The following KNL1 variants were observed in gnomAD, a reference collection of about 807,000 sequenced individuals.
The protein encoded by KNL1 is outer kinetochore KNL1 complex subunit KNL1.
A neutral mutation model predicts 201.3 loss-of-function variants in KNL1; 66 were observed. The ratio of observed to expected loss-of-function variants is 0.33; its 90% confidence interval spans 0.27 to 0.40. The LOEUF is 0.40. Among genes scored for constraint, KNL1 ranks in the 10% least tolerant of loss-of-function variants. The probability of loss-of-function intolerance (pLI) is 1.00; values close to 1 mark genes in which losing one functional copy is unlikely to be tolerated. For missense variants in KNL1, 2,815 were observed against 2,690.5 expected (o/e 1.05, Z -1.02); for synonymous variants, 895 against 899.2 (o/e 1.00, Z 0.08).
chr15:40,628,471 C>A, intron 11 of KNL1, 140 bp from the exon 12 acceptor site: 1 of 659,382 alleles, frequency 1.5e-6, no homozygotes, highest in South Asian at 2.3e-5. Context: ...CTATAATATA[C>A]TTTGCCCTGC....
At chr15:40,601,817 G>A (rs1352500437) in intron 1 of KNL1, among the ~76,000 whole-genome samples, 1 of 115,424 alleles carries the variant, frequency 8.7e-6, no homozygotes, top group Admixed American at 9.8e-5. Context: ...GACAGAGCCA[G>A]ACTCCGTCTC....
rs1892527572 is a variant in KNL1 at position 40,621,531 on chromosome 15, C to A, written c.1267C>A (p.Gln423Lys). ...ATCTATATATTCTAATCCATCTATT[C>A]AAGGTTGTAAGACTGTTTTCTATTC... The part of the protein sequence containing the change: ...PESIYSNPSI[Q>K]GCKTVFYSSC... Residue 423 changes from glutamine to lysine, a missense_variant, in exon 10 of 26, where the codon CAA becomes AAA. Transcript: ENST00000399668. The A allele has an allele frequency of 1.9e-6, 3 of 1,612,872 alleles. No individual in the cohort carries two copies. Among genetic ancestry groups the A allele is most frequent in the Non-Finnish European group, 2.5e-6 (3 of 1,179,444 alleles).
At chr15:40,601,050 G>A (rs552595454) in intron 1 of KNL1, among the ~76,000 whole-genome samples, 6 of 152,322 alleles carry the variant, frequency 3.9e-5, no homozygotes, top group Non-Finnish European at 7.4e-5. Context: ...AACCCCCTGG[G>A]CCGTGGAACG....
Position 40,622,967 on chromosome 15 carries a change from T to G in KNL1, c.2703T>G (p.Thr901=). The G allele has an allele frequency of 6.2e-7, 1 of 1,613,832 alleles. No individual in the cohort carries two copies. Among genetic ancestry groups the G allele is most frequent in the South Asian group, 1.1e-5 (1 of 91,038 alleles). Residue 901 remains threonine (T), a synonymous_variant, in exon 10 of 26, where the codon ACT becomes ACG. Transcript: ENST00000399668. ...GTCATTTGGTGCCATTGGCAGGAAC[T>G]TCTGAAACTATTTTATATACATGTA... ...RDCHLVPLAG[T]SETILYTCRQ...
intron 13 of KNL1, among the ~76,000 whole-genome samples, chr15:40,631,186 T>C (rs1892902730): frequency 6.6e-6 from 1 of 152,084 alleles, no homozygotes; most frequent in East Asian, 1.9e-4. Context: ...TGTGCTTGAA[T>C]CATCCTGAGA....
At chr15:40,654,843 T>A in intron 21 of KNL1, 66 bp from the exon 22 acceptor site, 2 of 1,231,238 alleles carry the variant, frequency 1.6e-6, no homozygotes, top group African/African-American at 1.5e-5. Context: ...CACTCCAGCC[T>A]GGGAGACAAA....
chr15:40,625,122 G>C lies in KNL1; in HGVS notation c.4858G>C (p.Asp1620His). 1 of 1,614,050 alleles carries C rather than the reference G, an allele frequency of 6.2e-7. No homozygotes were observed. Among genetic ancestry groups the C allele is most frequent in the Admixed American group, 1.7e-5 (1 of 60,014 alleles). The change falls in exon 10 of 26, where the codon GAT becomes CAT. Residue 1620 changes from aspartate to histidine, a missense_variant. Asp to His is a moderately conservative substitution (Grantham distance 81, BLOSUM62 -1). Transcript: ENST00000399668. Reference protein sequence around the residue: ...IISSNAKDSRDEENKKSHNGA... With the variant: ...IISSNAKDSRHEENKKSHNGA... ...CTCCAGCAATGCTAAAGATAGTAGA[G>C]ATGAGGAAAATAAAAAGTCTCATAA...
At chr15:40,658,118 TAGAC>T (rs1053106588) in intron 24 of KNL1, among the ~76,000 whole-genome samples, 7 of 151,552 alleles carry the variant, frequency 4.6e-5, no homozygotes, top group African/African-American at 7.3e-5. Context: ...ATACAAAAAT[TAGAC>T]AGGCATGGTG....
chr15:40,599,793 CTTTTTT>C (rs55838833), intron 1 of KNL1, among the ~76,000 whole-genome samples: 1 of 120,114 alleles, frequency 8.3e-6, no homozygotes, highest in Non-Finnish European at 1.7e-5. Flanking sequence ...TTATGTATTC[CTTTTTT>C]TTTTTTTTTT....
At chr15:40,653,490 C>A (rs1046109475) in intron 21 of KNL1, among the ~76,000 whole-genome samples, 5 of 152,190 alleles carry the variant, frequency 3.3e-5, no homozygotes, top group African/African-American at 1.2e-4. Context: ...AGCGCCCAAC[C>A]TACTGGTTTT....
At chr15:40,657,236 G>A (rs1448318179) in intron 23 of KNL1, 85 bp downstream of exon 23, 4 of 1,039,538 alleles carry the variant, frequency 3.8e-6, no homozygotes, top group Non-Finnish European at 4.4e-6. Flanking sequence ...AAATAATAGT[G>A]GATCCTGAAA....
chr15:40,624,242 T>G lies in KNL1; in HGVS notation c.3978T>G (p.Asp1326Glu). 1 of 1,614,022 alleles carries G rather than the reference T, an allele frequency of 6.2e-7. No homozygotes were observed. Among genetic ancestry groups the G allele is most frequent in the Non-Finnish European group, 8.5e-7 (1 of 1,179,956 alleles). The change falls in exon 10 of 26, where the codon GAT becomes GAG. Residue 1326 changes from aspartate (D) to glutamate (E), a missense_variant. Physicochemically the swap from Asp to Glu is conservative, Grantham distance 45. Coordinates refer to ENST00000399668, the MANE Select transcript of KNL1 (RefSeq NM_144508.5). ...GTGCCATGCTCTTATGTGATAAAGA[T>G]GAGGAAAAAGCCAATTATTGCCCAG... ...EGSAMLLCDK[D>E]EEKANYCPVQ...
At chr15:40,645,552 C>A in intron 15 of KNL1, 104 bp from the exon 16 acceptor site, 1 of 541,360 alleles carries the variant, frequency 1.8e-6, no homozygotes, top group Non-Finnish European at 3.3e-6. Context: ...TTGCAAATGA[C>A]AAATATCCTG....
intron 7 of KNL1, among the ~76,000 whole-genome samples, chr15:40,612,814 GC>G (rs1287549798): frequency 6.6e-6 from 1 of 152,112 alleles, no homozygotes; most frequent in Non-Finnish European, 1.5e-5. Flanking sequence ...ACTGTGCCTG[GC>G]CTAAAAAAGA....
rs1892598160 is a variant in KNL1, at chr15:40,623,004, A to G, written c.2740A>G (p.Met914Val). The G allele has an allele frequency of 1.2e-6, 2 of 1,614,016 alleles. No individual in the cohort carries two copies. Among genetic ancestry groups the G allele is most frequent in the Non-Finnish European group, 1.7e-6 (2 of 1,179,868 alleles). The change falls in exon 10 of 26, where the codon ATG becomes GTG. Residue 914 changes from methionine (M) to valine (V), a missense_variant. By Grantham distance (21) the Met-to-Val change is conservative. Coordinates refer to ENST00000399668, the MANE Select transcript of KNL1 (RefSeq NM_144508.5). ...TTTATATACATGTAGGCAGGATGAC[A>G]TGGAGATCACTAGAAGTCACACAAC... ...TILYTCRQDD[M>V]EITRSHTTAL...
At chr15:40,660,731 G>A (rs976904068) in intron 25 of KNL1, among the ~76,000 whole-genome samples, 42 of 151,794 alleles carry the variant, frequency 2.8e-4, no homozygotes, top group African/African-American at 9.4e-4. Context: ...CACTTTGGGA[G>A]GCTGAGGTGG....
chr15:40,646,778 AC>A, intron 16 of KNL1: 1 of 309,056 alleles, frequency 3.2e-6, no homozygotes, highest in Non-Finnish European at 5.9e-6. Flanking sequence ...AATGGCATGA[AC>A]CCGGGAGGCG....
chr15:40,647,865 G>A (rs1054883060), intron 17 of KNL1, among the ~76,000 whole-genome samples: 4 of 152,014 alleles, frequency 2.6e-5, no homozygotes, highest in African/African-American at 7.2e-5. Flanking sequence ...TTTTCTCCTG[G>A]CTGCTCAATC....
chr15:40,652,420 A>G (rs1893593143), intron 21 of KNL1, among the ~76,000 whole-genome samples: 1 of 150,960 alleles, frequency 6.6e-6, no homozygotes, highest in African/African-American at 2.4e-5. Context: ...CTTTCGTGAT[A>G]GAGAATAGAG....
Sources: allele counts gnomAD v4.1 joint callset (sites outside exome capture counted in the v4.1 genomes callset), GRCh38; gene constraint gnomAD v4.1.1; transcripts MANE v1.5; gene names NCBI Gene and HGNC (gene_info 2026-07-23, HGNC 2026-07-21).